Variants in XYLT1 observed in about 807,000 individuals in gnomAD.
The protein encoded by XYLT1 is beta-D-xylosyltransferase 1.
In XYLT1, 36 loss-of-function variants were observed where a neutral mutation model predicts 91.3. That is an observed-to-expected ratio of 0.39 (90% CI 0.30 to 0.52). The LOEUF (loss-of-function observed/expected upper bound fraction) is 0.52. Ranked by LOEUF, XYLT1 falls within the 20% of genes least tolerant of loss-of-function variation. The pLI, the probability that XYLT1 is intolerant of heterozygous loss-of-function variation, is 0.68. For missense variants in XYLT1, 1,242 were observed against 1,284.5 expected (o/e 0.97, Z 0.51); for synonymous variants, 588 against 532.0 (o/e 1.11, Z -1.45).
chr16:17,118,142 CAGA>C (rs1277892239), intron 10 of XYLT1, among the ~76,000 whole-genome samples, 163 bp from the exon 11 acceptor site: 1 of 152,148 alleles, frequency 6.6e-6, no homozygotes, highest in Non-Finnish European at 1.5e-5. Flanking sequence ...AGCTTGTAAG[CAGA>C]AGATCTGGCA....
intron 1 of XYLT1, among the ~76,000 whole-genome samples, chr16:17,441,365 GTTAATAT>G (rs1219144242): frequency 6.6e-6 from 1 of 152,078 alleles, no homozygotes; most frequent in African/African-American, 2.4e-5. Flanking sequence ...TGAATTAGTT[GTTAATAT>G]TTATTAAATA....
intron 6 of XYLT1, among the ~76,000 whole-genome samples, chr16:17,149,031 TA>T (rs1364525559): frequency 6.6e-6 from 1 of 152,222 alleles, no homozygotes; most frequent in Non-Finnish European, 1.5e-5. Flanking sequence ...AAGTCACAGC[TA>T]AATATGATCC....
chr16:17,331,100 C>T (rs1016107862), intron 2 of XYLT1, among the ~76,000 whole-genome samples: 8 of 152,250 alleles, frequency 5.3e-5, no homozygotes, highest in Admixed American at 5.2e-4. Flanking sequence ...TTCCCAATAT[C>T]TCCTCCGAGT....
intron 3 of XYLT1, among the ~76,000 whole-genome samples, chr16:17,202,541 C>T (rs1022147425): frequency 2.0e-5 from 3 of 152,168 alleles, no homozygotes; most frequent in African/African-American, 7.2e-5. Flanking sequence ...GACCTTCTCC[C>T]TGGCTTCTTG....
intron 11 of XYLT1, among the ~76,000 whole-genome samples, chr16:17,111,794 A>C (rs993393856): frequency 3.3e-5 from 5 of 152,204 alleles, no homozygotes; most frequent in Non-Finnish European, 7.3e-5. Flanking sequence ...GCAGTCATTG[A>C]GCACATACTC....
intron 8 of XYLT1, among the ~76,000 whole-genome samples, chr16:17,136,720 T>C (rs2141511377): frequency 6.6e-6 from 1 of 152,282 alleles, no homozygotes; most frequent in South Asian, 2.1e-4. Context: ...CTCCAAGTTC[T>C]TCGCGCAAGA....
chr16:17,373,249 C>G (rs2035558524), intron 1 of XYLT1, among the ~76,000 whole-genome samples: 2 of 152,168 alleles, frequency 1.3e-5, no homozygotes, highest in African/African-American at 4.8e-5. Flanking sequence ...AGCAAAAGCT[C>G]TGGCATCCCA....
chr16:17,130,110 C>A (rs114647659), intron 9 of XYLT1, among the ~76,000 whole-genome samples: 2 of 152,202 alleles, frequency 1.3e-5, no homozygotes, highest in African/African-American at 4.8e-5. Context: ...AGCAGAGCTA[C>A]GCCAGTTGTC....
At chr16:17,368,563 ATTT>A (rs1278537685) in intron 1 of XYLT1, among the ~76,000 whole-genome samples, 3 of 130,442 alleles carry the variant, frequency 2.3e-5, no homozygotes, top group Non-Finnish European at 3.2e-5. Context: ...GGATAGATAG[ATTT>A]TTTTTTTTTT....
At chr16:17,119,787 A>G (rs4453463) in intron 10 of XYLT1, among the ~76,000 whole-genome samples, 145,066 of 152,150 alleles carry the variant, frequency 0.95, 69,218 homozygotes, top group Middle Eastern at 0.98. Context: ...GGGAACCCAT[A>G]AAGTCCAGCC....
chr16:17,445,145 A>G (rs1173478030), intron 1 of XYLT1, among the ~76,000 whole-genome samples: 1 of 152,168 alleles, frequency 6.6e-6, no homozygotes, highest in Non-Finnish European at 1.5e-5. Flanking sequence ...GACCACAGGC[A>G]CCAACATGCC....
chr16:17,236,432 C>CCAA (rs1555489838), intron 3 of XYLT1, among the ~76,000 whole-genome samples: 2 of 100,656 alleles, frequency 2.0e-5, no homozygotes, highest in African/African-American at 6.8e-5. Flanking sequence ...ATGGAGAGTA[C>CCAA]AAAAAAAAAA....
At chr16:17,333,587 A>ATTTTTTTT (rs140911793) in intron 2 of XYLT1, among the ~76,000 whole-genome samples, 1 of 140,106 alleles carries the variant, frequency 7.1e-6, no homozygotes. Flanking sequence ...AATTAATTTA[A>ATTTTTTTT]TTTATTTTTT....
At chr16:17,286,027 G>T (rs963337437) in intron 2 of XYLT1, among the ~76,000 whole-genome samples, 2 of 151,998 alleles carry the variant, frequency 1.3e-5, no homozygotes, top group Admixed American at 6.6e-5. Flanking sequence ...TAACACAATG[G>T]GGGTCTGGGC....
chr16:17,404,571 G>A (rs937098481), intron 1 of XYLT1, among the ~76,000 whole-genome samples: 6 of 152,144 alleles, frequency 3.9e-5, no homozygotes, highest in African/African-American at 1.2e-4. Flanking sequence ...GCCATGTTTC[G>A]AATCCAGGAA....
At chr16:17,370,921 C>T (rs367722927) in intron 1 of XYLT1, among the ~76,000 whole-genome samples, 1 of 152,264 alleles carries the variant, frequency 6.6e-6, no homozygotes, top group Admixed American at 6.5e-5. Context: ...CCACAGTCCC[C>T]GCCCCAGACA....
intron 11 of XYLT1, among the ~76,000 whole-genome samples, chr16:17,109,503 T>G (rs149054667): frequency 2.3e-4 from 35 of 152,212 alleles, no homozygotes; most frequent in African/African-American, 8.2e-4. Flanking sequence ...AATAAGTAGA[T>G]AAATAAGGTT....
chr16:17,243,412 C>G (rs926145709), intron 3 of XYLT1, among the ~76,000 whole-genome samples: 2 of 152,244 alleles, frequency 1.3e-5, no homozygotes, highest in African/African-American at 2.4e-5. Context: ...CAGTCTCACT[C>G]TATAGGAGAA....
intron 1 of XYLT1, among the ~76,000 whole-genome samples, chr16:17,374,842 A>T (rs907598232): frequency 6.6e-6 from 1 of 152,146 alleles, no homozygotes; most frequent in African/African-American, 2.4e-5. Context: ...CACCTCCCAC[A>T]CATAACCAAA....
Sources: allele counts gnomAD v4.1 joint callset (sites outside exome capture counted in the v4.1 genomes callset), GRCh38; gene constraint gnomAD v4.1.1; transcripts MANE v1.5; gene names NCBI Gene and HGNC (gene_info 2026-07-23, HGNC 2026-07-21).